Variants in ACYP2 observed in about 807,000 individuals in gnomAD.
The protein encoded by ACYP2 is acylphosphatase-2.
ACYP2 carries 12 observed loss-of-function variants against 11.2 expected under a neutral mutation model. The observed-to-expected ratio is 1.08, with a 90% CI of 0.69 to 1.74. The LOEUF is 1.74. ACYP2 is among the 40% of genes most tolerant of loss of function. The probability of loss-of-function intolerance (pLI) is 0.00; values close to 1 mark genes in which losing one functional copy is unlikely to be tolerated. For synonymous variants in ACYP2, 43 were observed against 32.2 expected, an observed-to-expected ratio of 1.33 and a Z score of -1.13; for missense variants, 134 against 101.9, an observed-to-expected ratio of 1.31 and a Z score of -1.35.
At chr2:54,042,823 A>T (rs1228659207) in intron 2 of ACYP2, among the ~76,000 whole-genome samples, 1 of 152,206 alleles carries the variant, frequency 6.6e-6, no homozygotes, top group Non-Finnish European at 1.5e-5. Flanking sequence ...TCGTTTCACG[A>T]ATCCAAGTTG....
chr2:54,148,936 C>A (rs1682022655), intron 6 of ACYP2, among the ~76,000 whole-genome samples: 1 of 152,112 alleles, frequency 6.6e-6, no homozygotes, highest in Non-Finnish European at 1.5e-5. Context: ...ATGGCAAAAA[C>A]CGCAATTACT....
chr2:53,992,407 A>G (rs557110594), intron 2 of ACYP2, among the ~76,000 whole-genome samples: 1 of 152,322 alleles, frequency 6.6e-6, no homozygotes, highest in African/African-American at 2.4e-5. Context: ...AATGGACTAT[A>G]GATTATAAGG....
intron 2 of ACYP2, among the ~76,000 whole-genome samples, chr2:53,998,830 C>T (rs1273790788): frequency 6.6e-6 from 1 of 151,956 alleles, no homozygotes; most frequent in Non-Finnish European, 1.5e-5. Flanking sequence ...AAAAAAATTT[C>T]CCTTCTAATG....
intron 2 of ACYP2, among the ~76,000 whole-genome samples, chr2:54,038,415 A>AAT (rs1011050384): frequency 6.6e-6 from 1 of 151,958 alleles, no homozygotes; most frequent in African/African-American, 2.4e-5. Flanking sequence ...CAGGGATTTA[A>AAT]ATATATATAT....
chr2:54,034,781 C>T (rs575777981), intron 2 of ACYP2, among the ~76,000 whole-genome samples: 2 of 151,896 alleles, frequency 1.3e-5, no homozygotes, highest in Non-Finnish European at 2.9e-5. Context: ...GAGGCCGAGG[C>T]GGGTGGATCA....
At chr2:54,273,695 A>G (rs938749810) in intron 6 of ACYP2, among the ~76,000 whole-genome samples, 23 of 152,092 alleles carry the variant, frequency 1.5e-4, no homozygotes, top group Admixed American at 7.2e-4. Flanking sequence ...TGAACTCCTG[A>G]CCTCAGGTGA....
chr2:54,254,145 G>C (rs1438859234), intron 6 of ACYP2: 1 of 152,256 alleles, frequency 6.6e-6, no homozygotes, highest in Non-Finnish European at 1.5e-5. Context: ...GATAGGGTCT[G>C]ACATGTCCCC....
At chr2:54,141,077 C>G (rs1305218737) in intron 6 of ACYP2, among the ~76,000 whole-genome samples, 3 of 152,126 alleles carry the variant, frequency 2.0e-5, no homozygotes, top group African/African-American at 7.2e-5. Flanking sequence ...CATCTTTATG[C>G]TTATGTCTGT....
chr2:54,065,637 C>A (rs1283484293), intron 4 of ACYP2: 2 of 396,950 alleles, frequency 5.0e-6, no homozygotes, highest in Non-Finnish European at 8.9e-6. Flanking sequence ...TTTAGAGAAG[C>A]CAGAATTGGG....
chr2:54,100,928 C>G (rs1305924310), intron 4 of ACYP2, among the ~76,000 whole-genome samples: 1 of 152,174 alleles, frequency 6.6e-6, no homozygotes, highest in African/African-American at 2.4e-5. Flanking sequence ...TGCTAGGAGA[C>G]TCTTGAAGGT....
At chr2:54,141,159 A>G (rs1215758687) in intron 6 of ACYP2, among the ~76,000 whole-genome samples, 2 of 152,122 alleles carry the variant, frequency 1.3e-5, no homozygotes, top group Admixed American at 6.5e-5. Flanking sequence ...TCTCTTGCCA[A>G]TTTTTAAAAG....
chr2:54,167,804 G>C (rs1683058254), intron 6 of ACYP2, among the ~76,000 whole-genome samples: 1 of 152,178 alleles, frequency 6.6e-6, no homozygotes, highest in South Asian at 2.1e-4. Flanking sequence ...AGAGAGTTGT[G>C]TAGGAGATAT....
At chr2:54,170,232 A>G (rs1211771960) in intron 6 of ACYP2, among the ~76,000 whole-genome samples, 4 of 152,152 alleles carry the variant, frequency 2.6e-5, no homozygotes, top group Non-Finnish European at 5.9e-5. Context: ...GGCTCACTGC[A>G]ACCTCCACCT....
intron 6 of ACYP2, among the ~76,000 whole-genome samples, chr2:54,143,943 C>T (rs1038734828): frequency 6.6e-6 from 1 of 152,032 alleles, no homozygotes; most frequent in Admixed American, 6.6e-5. Flanking sequence ...TGACCTTTAA[C>T]CACCTTTTCA....
chr2:54,096,393 T>C (rs1015307436), intron 4 of ACYP2, among the ~76,000 whole-genome samples: 2 of 149,940 alleles, frequency 1.3e-5, no homozygotes, highest in African/African-American at 2.5e-5. Context: ...AGACGATGGA[T>C]GGCCAGGCAG....
At chr2:53,992,438 T>A (rs1672346253) in intron 2 of ACYP2, among the ~76,000 whole-genome samples, 1 of 152,162 alleles carries the variant, frequency 6.6e-6, no homozygotes, top group Admixed American at 6.5e-5. Flanking sequence ...GAAAGTACTG[T>A]GACTAATTAG....
At chr2:54,151,518 T>A (rs1344908738) in intron 6 of ACYP2, among the ~76,000 whole-genome samples, 2 of 152,218 alleles carry the variant, frequency 1.3e-5, no homozygotes, top group Non-Finnish European at 2.9e-5. Context: ...GATGTTCTAT[T>A]GAAACATAGA....
chr2:54,132,121 T>A (rs1680933466), intron 4 of ACYP2, among the ~76,000 whole-genome samples: 1 of 152,198 alleles, frequency 6.6e-6, no homozygotes, highest in Non-Finnish European at 1.5e-5. Flanking sequence ...TCAGTCTACT[T>A]ACTTGGTCAG....
chr2:54,211,956 C>G (rs753910897), intron 6 of ACYP2, among the ~76,000 whole-genome samples: 9 of 152,032 alleles, frequency 5.9e-5, no homozygotes, highest in African/African-American at 1.9e-4. Flanking sequence ...TAATTTATTT[C>G]GGGCAGGATT....
Sources: allele counts gnomAD v4.1 joint callset (sites outside exome capture counted in the v4.1 genomes callset), GRCh38; gene constraint gnomAD v4.1.1; transcripts MANE v1.5; gene names NCBI Gene and HGNC (gene_info 2026-07-23, HGNC 2026-07-21).